WDR72: variants seen among roughly 807,000 people sequenced by gnomAD.
The protein encoded by WDR72 is WD repeat domain 72.
WDR72 carries 120 observed loss-of-function variants against 124.2 expected under a neutral mutation model. The ratio of observed to expected loss-of-function variants is 0.97; its 90% CI spans 0.83 to 1.12. WDR72 has a LOEUF of 1.12. WDR72 is among the 50% of genes most tolerant of loss of function. The probability of loss-of-function intolerance (pLI) is 0.00; values close to 1 mark genes in which losing one functional copy is unlikely to be tolerated. For synonymous variants in WDR72, 452 were observed against 441.7 expected (o/e 1.02, Z -0.29); for missense variants, 1,387 against 1,278.8 (o/e 1.08, Z -1.29).
chr15:53,751,971 A>G (rs1282670435), intron 1 of WDR72, among the ~76,000 whole-genome samples: 1 of 152,230 alleles, frequency 6.6e-6, no homozygotes, highest in Non-Finnish European at 1.5e-5. Context: ...TTCAATAAAT[A>G]TTAGACTCTA....
chr15:53,644,505 A>T (rs989066480), intron 14 of WDR72, among the ~76,000 whole-genome samples: 5 of 152,140 alleles, frequency 3.3e-5, no homozygotes, highest in African/African-American at 1.2e-4. Flanking sequence ...TTTGTAACAA[A>T]TAATTTAATT....
intron 1 of WDR72, among the ~76,000 whole-genome samples, chr15:53,751,011 A>C (rs1316638175): frequency 6.6e-6 from 1 of 152,226 alleles, no homozygotes; most frequent in Non-Finnish European, 1.5e-5. Context: ...ACATAAACTT[A>C]GTTGGTAAAG....
chr15:53,703,438 C>T (rs8038719), intron 11 of WDR72, among the ~76,000 whole-genome samples: 88,516 of 150,408 alleles, frequency 0.59, 26,803 homozygotes, highest in East Asian at 0.8. Flanking sequence ...TCTGCCTTTT[C>T]TCCCTGGGTC....
At chr15:53,644,683 T>A (rs541144594) in intron 14 of WDR72, among the ~76,000 whole-genome samples, 9 of 152,240 alleles carry the variant, frequency 5.9e-5, no homozygotes, top group African/African-American at 1.9e-4. Flanking sequence ...CCATTCATTT[T>A]CAGATTCTCT....
intron 2 of WDR72, among the ~76,000 whole-genome samples, chr15:53,724,016 G>A (rs1413356653): frequency 1.3e-5 from 2 of 152,126 alleles, no homozygotes; most frequent in African/African-American, 4.8e-5. Context: ...GTGACAACAT[G>A]GATGGACATA....
intron 13 of WDR72, among the ~76,000 whole-genome samples, chr15:53,685,068 C>T (rs1193702102): frequency 8.6e-5 from 13 of 151,930 alleles, no homozygotes. Context: ...TGTACATCAC[C>T]ATCATCAAAG....
Position 53,615,755 on chromosome 15 carries a change from C to A in WDR72, c.2451G>T (p.Lys817Asn), listed in dbSNP as rs191971924. 1 of 1,613,472 alleles carries A rather than the reference C, an allele frequency of 6.2e-7. No individual in the cohort carries two copies. The highest frequency in any genetic ancestry group is 8.5e-7 in the Non-Finnish European group (1 of 1,179,640). ...CCTGAAGCTTTAAAATATTGAGGTG[C>A]TTAATGCAAAGATAATCTAAATCTT... is the stretch of plus-strand genomic sequence containing the variant. ...VDKDLDYLCI[K>N]HLNILKLQGP... Residue 817 changes from lysine (K) to asparagine (N), a missense_variant, in exon 15 of 20, where the codon AAG becomes AAT. Coordinates refer to ENST00000360509, the MANE Select transcript of WDR72 (RefSeq NM_182758.4).
chr15:53,560,126 T>C (rs1936503852), intron 18 of WDR72, among the ~76,000 whole-genome samples: 1 of 151,980 alleles, frequency 6.6e-6, no homozygotes. Context: ...TCAGCAGCAG[T>C]TGAGGTCCTT....
chr15:53,538,573 T>C (rs767334133), intron 18 of WDR72, among the ~76,000 whole-genome samples: 8 of 152,272 alleles, frequency 5.3e-5, no homozygotes, highest in Non-Finnish European at 1.2e-4. Flanking sequence ...TAAAATAACA[T>C]CAAAAAATTC....
At chr15:53,749,101 C>G (rs1376277065) in intron 1 of WDR72, among the ~76,000 whole-genome samples, 2 of 152,066 alleles carry the variant, frequency 1.3e-5, no homozygotes, top group African/African-American at 4.8e-5. Flanking sequence ...GAGCTCGAAG[C>G]CAAAATTGGG....
At chr15:53,621,862 G>C (rs992039469) in intron 14 of WDR72, among the ~76,000 whole-genome samples, 1 of 151,982 alleles carries the variant, frequency 6.6e-6, no homozygotes, top group Non-Finnish European at 1.5e-5. Flanking sequence ...GAAAGTTTTT[G>C]CAATCTATGC....
intron 17 of WDR72, among the ~76,000 whole-genome samples, chr15:53,599,132 T>C (rs549458575): frequency 2.6e-5 from 4 of 152,172 alleles, no homozygotes; most frequent in African/African-American, 9.6e-5. Flanking sequence ...TATATACCAC[T>C]TCTGAGATAC....
intron 3 of WDR72, 46 bp downstream of exon 3, chr15:53,722,756 A>G: frequency 6.4e-7 from 1 of 1,555,006 alleles, no homozygotes; most frequent in Non-Finnish European, 8.9e-7. Flanking sequence ...GTTTTTAAAA[A>G]GGGAAGGAAA....
At chr15:53,758,771 G>A (rs1277856455) in intron 1 of WDR72, among the ~76,000 whole-genome samples, 1 of 55,850 alleles carries the variant, frequency 1.8e-5, no homozygotes, top group Non-Finnish European at 3.9e-5. Context: ...AAAACTGCGG[G>A]GGGGGGGGGG....
chr15:53,603,374 A>G (rs1334357927), intron 17 of WDR72, among the ~76,000 whole-genome samples: 5 of 152,182 alleles, frequency 3.3e-5, no homozygotes, highest in Admixed American at 3.3e-4. Flanking sequence ...ACCACAGCCA[A>G]CATCATACTA....
intron 18 of WDR72, among the ~76,000 whole-genome samples, chr15:53,567,999 T>G (rs1467341863): frequency 1.3e-5 from 2 of 149,848 alleles, no homozygotes; most frequent in Non-Finnish European, 3.0e-5. Flanking sequence ...TAACAAACAG[T>G]TGCCTTGAAT....
At chr15:53,641,996 T>G (rs149653674) in intron 14 of WDR72, among the ~76,000 whole-genome samples, 1 of 151,880 alleles carries the variant, frequency 6.6e-6, no homozygotes, top group African/African-American at 2.4e-5. Context: ...TGTTAAATAA[T>G]AGCAGAAATT....
At chr15:53,680,166 G>A (rs887035991) in intron 13 of WDR72, among the ~76,000 whole-genome samples, 2 of 152,124 alleles carry the variant, frequency 1.3e-5, no homozygotes, top group African/African-American at 4.8e-5. Flanking sequence ...GATAAGATAG[G>A]TTAATAGAAT....
intron 1 of WDR72, among the ~76,000 whole-genome samples, chr15:53,735,579 T>C (rs1379837433): frequency 6.6e-6 from 1 of 152,202 alleles, no homozygotes; most frequent in Non-Finnish European, 1.5e-5. Flanking sequence ...AAATATTATG[T>C]GTGTCAATTA....
Sources: gnomAD v4.1 joint callset for allele counts (sites outside exome capture counted in the v4.1 genomes callset) on GRCh38, gnomAD v4.1.1 for gene constraint, MANE v1.5 for transcripts, NCBI Gene and HGNC (gene_info 2026-07-23, HGNC 2026-07-21) for gene names.